The following ZNF385D variants were observed in gnomAD, a reference collection of about 807,000 sequenced individuals.
The protein encoded by ZNF385D is zinc finger protein 385D.
In ZNF385D, 15 loss-of-function variants were observed where a neutral mutation model predicts 35.8. That is an observed-to-expected ratio of 0.42 (90% CI 0.28 to 0.64). ZNF385D has a LOEUF of 0.64. ZNF385D is among the 30% of genes least tolerant of loss of function. The pLI is 0.23. For missense variants in ZNF385D, 474 were observed against 494.6 expected, an observed-to-expected ratio of 0.96 and a Z score of 0.39; for synonymous variants, 212 against 186.8, an observed-to-expected ratio of 1.13 and a Z score of -1.10.
At chr3:21,755,470 T>G (rs1050499822), upstream of ZNF385D, among the ~76,000 whole-genome samples, 15 of 152,200 alleles carry the variant, frequency 9.9e-5, no homozygotes, top group African/African-American at 3.6e-4. Flanking sequence ...ATAATTCACC[T>G]GAAGACTACA....
intron 3 of ZNF385D, among the ~76,000 whole-genome samples, chr3:21,799,618 G>A (rs2072308145): frequency 1.3e-5 from 2 of 151,978 alleles, no homozygotes; most frequent in South Asian, 4.1e-4. Flanking sequence ...CAATTGGATT[G>A]TTTTTCCTTT....
chr3:22,042,961 T>C (rs1698760296), intron 3 of ZNF385D, among the ~76,000 whole-genome samples: 1 of 152,162 alleles, frequency 6.6e-6, no homozygotes, highest in Admixed American at 6.6e-5. Context: ...TAGGATCAGT[T>C]GTAATCCTCT....
chr3:21,413,799 A>G lies in ZNF385D; in HGVS notation c.*7415T>C, dbSNP rs1357740146. The G allele has an allele frequency of 6.6e-6, 1 of 152,138 alleles. No homozygotes were observed. Among genetic ancestry groups the G allele is most frequent in the East Asian group, 1.9e-4 (1 of 5,198 alleles). 9.4% of individuals were successfully genotyped at this position (152,138 alleles called of 1,614,324 possible). On this transcript the variant is annotated 3_prime_UTR_variant, in exon 8 of 8. Transcript: ENST00000281523. ...TTCAATAAGCTTGGTTGTCAAAAGAACACTGCCTTCAATTTATAGTCACTA... is the reference window on the plus strand; with the variant it reads ...TTCAATAAGCTTGGTTGTCAAAAGAGCACTGCCTTCAATTTATAGTCACTA...
At chr3:21,740,147 C>T (rs747213792) in intron 1 of ZNF385D, among the ~76,000 whole-genome samples, 5 of 152,226 alleles carry the variant, frequency 3.3e-5, no homozygotes, top group Middle Eastern at 3.4e-3. Context: ...CATTTGTCAC[C>T]GTAATTGGAG....
intron 2 of ZNF385D, among the ~76,000 whole-genome samples, chr3:21,647,771 C>T (rs555745246): frequency 4.8e-4 from 73 of 152,274 alleles, no homozygotes; most frequent in African/African-American, 1.7e-3. Flanking sequence ...AGGTTAACAA[C>T]TGCCTACATT....
chr3:22,097,763 C>T (rs2125617124), intron 3 of ZNF385D, among the ~76,000 whole-genome samples: 1 of 152,058 alleles, frequency 6.6e-6, no homozygotes, highest in African/African-American at 2.4e-5. Flanking sequence ...GAAAGTGTCC[C>T]CTGTGACAGG....
intron 3 of ZNF385D, among the ~76,000 whole-genome samples, chr3:22,087,674 GAAT>G (rs1701117153): frequency 6.6e-6 from 1 of 152,116 alleles, no homozygotes; most frequent in Non-Finnish European, 1.5e-5. Context: ...CTTGAAACAA[GAAT>G]AAACTTCAAC....
In ZNF385D at chr3:22,091,787, G is replaced by A. The variant is rs1185352681; in HGVS notation, c.325+77030C>T. On this transcript the variant is annotated intron_variant, in intron 3 of 5. Transcript: ENST00000494108. ...TTTTCTCTTTGCCTGTTATATGCAT[G>A]TTTTTATTTGTATACCTAAACATTT... Among the ~76,000 whole-genome samples the A allele has an allele frequency of 2.6e-5, 4 of 152,164 alleles. No homozygotes were observed. In the South Asian group the frequency reaches 6.2e-4, roughly 24 times the overall value.
chr3:21,537,365 T>G (rs1398183374), intron 3 of ZNF385D, among the ~76,000 whole-genome samples: 2 of 151,738 alleles, frequency 1.3e-5, no homozygotes, highest in Non-Finnish European at 2.9e-5. Context: ...ACTCTTGACC[T>G]CAGGTGATTC....
At chr3:22,363,377 C>T (rs1013520790) in intron 2 of ZNF385D, among the ~76,000 whole-genome samples, 1 of 152,124 alleles carries the variant, frequency 6.6e-6, no homozygotes, top group African/African-American at 2.4e-5. Context: ...ATGGATAGGG[C>T]ATTGTCTAAG....
chr3:21,544,142 A>G (rs2125574332), intron 3 of ZNF385D, among the ~76,000 whole-genome samples: 1 of 152,364 alleles, frequency 6.6e-6, no homozygotes, highest in South Asian at 2.1e-4. Flanking sequence ...TCTTTAAGAA[A>G]TAAAAACAGC....
At chr3:21,980,092 G>C (rs1356021498) in intron 3 of ZNF385D, among the ~76,000 whole-genome samples, 2 of 152,256 alleles carry the variant, frequency 1.3e-5, no homozygotes, top group Non-Finnish European at 2.9e-5. Context: ...TCTAGGTTAA[G>C]CTAGCTATAT....
intron 3 of ZNF385D, among the ~76,000 whole-genome samples, chr3:21,558,048 T>C (rs545682744): frequency 1.2e-4 from 19 of 152,102 alleles, no homozygotes; most frequent in African/African-American, 4.3e-4. Flanking sequence ...CCCTTTTCTT[T>C]ATTAGTCTGG....
chr3:21,602,817 G>A (rs1055898780), intron 2 of ZNF385D, among the ~76,000 whole-genome samples: 2 of 151,976 alleles, frequency 1.3e-5, no homozygotes, highest in African/African-American at 2.4e-5. Flanking sequence ...ACAGGCGTGA[G>A]CCACCGCGCC....
intron 3 of ZNF385D, among the ~76,000 whole-genome samples, chr3:22,008,416 G>A (rs947028547): frequency 1.4e-5 from 2 of 143,100 alleles, no homozygotes; most frequent in Non-Finnish European, 3.0e-5. Flanking sequence ...GCAGTGGCCC[G>A]ATCTCGGCTC....
rs543170076 is a variant in ZNF385D at position 21,879,479 on chromosome 3, T to C, written c.326-214451A>G. Among the ~76,000 whole-genome samples, 5 of 152,160 alleles carry C rather than the reference T, an allele frequency of 3.3e-5. No individual in the cohort carries two copies. The South Asian group carries it at 8.3e-4, about 25-fold the overall frequency. On this transcript the variant is annotated intron_variant, in intron 3 of 5. Coordinates refer to the ZNF385D transcript ENST00000494108. ...TAATACGAATAGCAAGACTGTACTC[T>C]TGAAGTGGTGTAGGCTTTTGTGTAT... is the stretch of plus-strand genomic sequence containing the variant.
intron 3 of ZNF385D, among the ~76,000 whole-genome samples, chr3:22,155,773 A>G (rs535901805): frequency 6.6e-6 from 1 of 152,270 alleles, no homozygotes; most frequent in Non-Finnish European, 1.5e-5. Context: ...TATTGTCTTC[A>G]TTAAAAAACA....
intron 3 of ZNF385D, among the ~76,000 whole-genome samples, chr3:22,109,484 C>A (rs1412035368): frequency 3.3e-5 from 5 of 152,136 alleles, no homozygotes; most frequent in African/African-American, 1.2e-4. Context: ...GGACAGAAAG[C>A]ATCTTAGAGC....
intron 3 of ZNF385D, among the ~76,000 whole-genome samples, chr3:22,068,245 T>A (rs367557786): frequency 6.6e-6 from 1 of 152,232 alleles, no homozygotes; most frequent in African/African-American, 2.4e-5. Context: ...GACACTGTGA[T>A]GCTAATTCTA....
Sources: allele counts gnomAD v4.1 joint callset (sites outside exome capture counted in the v4.1 genomes callset), GRCh38; gene constraint gnomAD v4.1.1; transcripts MANE v1.5; gene names NCBI Gene and HGNC (gene_info 2026-07-23, HGNC 2026-07-21).